Variants in RBM23 observed in about 807,000 individuals in gnomAD.
RBM23 encodes the protein RNA binding motif protein 23.
In RBM23, 53 loss-of-function variants were observed where a neutral mutation model predicts 56.2. The ratio of observed to expected loss-of-function variants is 0.94; its 90% CI spans 0.76 to 1.19. The LOEUF is 1.19. Among genes scored for constraint, RBM23 ranks in the 50% most tolerant of loss-of-function variants. The pLI, the probability that RBM23 is intolerant of heterozygous loss-of-function variation, is 0.00. For synonymous variants in RBM23, 197 were observed against 198.5 expected, an observed-to-expected ratio of 0.99 and a Z score of 0.06; for missense variants, 642 against 590.3, an observed-to-expected ratio of 1.09 and a Z score of -0.91.
intron 1 of RBM23, among the ~76,000 whole-genome samples, chr14:22,914,323 C>A (rs1371715898): frequency 0.014 from 1,218 of 87,096 alleles, no homozygotes; most frequent in Middle Eastern, 0.021. Context: ...GACTCTGTCT[C>A]AAAAAAAAAA....
chr14:22,910,219 T>G (rs1397822941), intron 2 of RBM23, among the ~76,000 whole-genome samples: 3 of 139,408 alleles, frequency 2.2e-5, no homozygotes, highest in Non-Finnish European at 4.6e-5. Context: ...CCCAGCACTT[T>G]GGGAGGCCAA....
chr14:22,908,963 G>C (rs562545738), intron 3 of RBM23, among the ~76,000 whole-genome samples: 35 of 147,594 alleles, frequency 2.4e-4, no homozygotes, highest in African/African-American at 8.7e-4. Context: ...TTTTTTTTGA[G>C]ACAGAGTCTC....
chr14:22,903,451 G>C (rs2040972591), intron 10 of RBM23: 6 of 985,464 alleles, frequency 6.1e-6, no homozygotes, highest in Non-Finnish European at 7.2e-6. Context: ...CAGCTAGCTT[G>C]TTTAGCTAGC....
At position 22,900,697 on chromosome 14, in the gene RBM23, G is replaced by T. The variant is rs896350043; in HGVS notation, c.*1033C>A. 6.6e-6 allele frequency: 1 copy of T among 152,156 alleles called. No individual in the cohort carries two copies. The highest frequency in any genetic ancestry group is 6.5e-5 in the Admixed American group (1 of 15,272). 9.4% of individuals were successfully genotyped at this position (152,156 alleles called of 1,614,324 possible). A position where few individuals can be genotyped will look rare whatever the true frequency, so the allele number is the denominator to read the frequency against. The stretch of plus-strand genomic sequence containing the variant: ...GAAACATCATAAGTTGGGCTAATGA[G>T]AAGTTGTCAGACACACAACAAAGAC... On this transcript the variant is annotated 3_prime_UTR_variant, in exon 14 of 14. Transcript: ENST00000359890.
At position 22,894,159 on chromosome 14, in the gene RBM23, G is replaced by C. The variant is rs2040209942; in HGVS notation, c.*7571C>G. 6.6e-6 allele frequency: 1 copy of C among 152,146 alleles called. No individual in the cohort carries two copies. The highest frequency in any genetic ancestry group is 1.5e-5 in the Non-Finnish European group (1 of 68,040). The allele number at this position is 152,146 out of a possible 1,614,324, so 9.4% of individuals were successfully genotyped here. ...TAATGCCTTTTGCAACCTATGTCCT[G>C]GCCCTTTATTTAGGCATCAAAGCAG... On this transcript the variant is annotated 3_prime_UTR_variant, in exon 14 of 14. Coordinates refer to ENST00000359890, the MANE Select transcript of RBM23 (RefSeq NM_001077351.2).
chr14:22,902,522 A>T, intron 10 of RBM23, 140 bp from the exon 11 acceptor site: 2 of 1,403,120 alleles, frequency 1.4e-6, no homozygotes, highest in Non-Finnish European at 1.9e-6. Context: ...AGAAAATATG[A>T]CCTAGGCCCA....
rs1436538557 is a variant in RBM23 at position 22,900,618 on chromosome 14, TA to T, written c.*1111del. On this transcript the variant is annotated 3_prime_UTR_variant, in exon 14 of 14. Coordinates refer to ENST00000359890, the MANE Select transcript of RBM23 (RefSeq NM_001077351.2). ...AGGTGTGAGTTTTCATTTTTCTTTC[TA>T]AAGGTGGTTAAATAAATAAACACAA... The T allele has an allele frequency of 6.6e-6, 1 of 152,040 alleles. No individual in the cohort carries two copies. The highest frequency in any genetic ancestry group is 1.5e-5 in the Non-Finnish European group (1 of 68,014). The allele number at this position is 152,040 out of a possible 1,614,324, so 9.4% of individuals were successfully genotyped here. A position where few individuals can be genotyped will look rare whatever the true frequency, so the allele number is the denominator to read the frequency against.
At chr14:22,904,770 T>C (rs780315644) in intron 9 of RBM23, 105 bp downstream of exon 9, 17 of 1,512,714 alleles carry the variant, frequency 1.1e-5, no homozygotes, top group East Asian at 2.3e-5. Flanking sequence ...CTATGACGTA[T>C]GCAGCAGGTT....
At position 22,901,629 on chromosome 14, in the gene RBM23, G is replaced by C. The variant is rs2040492586; in HGVS notation, c.*101C>G. The C allele has an allele frequency of 2.0e-6, 3 of 1,510,508 alleles. No individual in the cohort carries two copies. Among genetic ancestry groups the C allele is most frequent in the Non-Finnish European group, 2.8e-6 (3 of 1,088,474 alleles). The allele number at this position is 1,510,508 out of a possible 1,614,324, so 93.6% of individuals were successfully genotyped here. ...CTCAGAGACAATGTCCATGCCCTCA[G>C]GATGGCTTGGTCCACAAAATGGAGA... On this transcript the variant is annotated 3_prime_UTR_variant, in exon 14 of 14. Transcript: ENST00000359890.
In RBM23 at chr14:22,897,410, C is replaced by T. The variant is rs1281326434; in HGVS notation, c.*4320G>A. 1.3e-5 allele frequency: 2 copies of T among 152,138 alleles called. No homozygotes were observed. The highest frequency in any genetic ancestry group is 4.8e-5 in the African/African-American group (2 of 41,400). The allele number at this position is 152,138 out of a possible 1,614,324, so 9.4% of individuals were successfully genotyped here. On this transcript the variant is annotated 3_prime_UTR_variant, in exon 14 of 14. Coordinates refer to ENST00000359890, the MANE Select transcript of RBM23 (RefSeq NM_001077351.2). ...AGCTTCAGGGTCTTAAAGGACAGGA[C>T]TTTGATCAGCAGAAGGAGGAAAGGA...
In RBM23 at chr14:22,897,157, T is replaced by TTAA. The variant is rs1277185346; in HGVS notation, c.*4570_*4572dup. On this transcript the variant is annotated 3_prime_UTR_variant, in exon 14 of 14. Transcript: ENST00000359890. Reference sequence around the variant, plus strand: ...AAAGCCTGGTGCTGACTTTAACACTTTAATGAACAGCATTCATTCAATTCT... The same window carrying TTAA: ...AAAGCCTGGTGCTGACTTTAACACTTTAATAATGAACAGCATTCATTCAATTCT... 6.6e-6 allele frequency: 1 copy of TTAA among 152,192 alleles called. No homozygotes were observed. Among genetic ancestry groups the TTAA allele is most frequent in the Non-Finnish European group, 1.5e-5 (1 of 68,042 alleles). 9.4% of individuals were successfully genotyped at this position (152,192 alleles called of 1,614,324 possible). A position where few individuals can be genotyped will look rare whatever the true frequency, so the allele number is the denominator to read the frequency against.
At position 22,902,231 on chromosome 14, in the gene RBM23, C is replaced by A. The variant is rs773727139; in HGVS notation, c.1082G>T (p.Gly361Val). 2 of 1,614,224 alleles carry A rather than the reference C, an allele frequency of 1.2e-6. No homozygotes were observed. The highest frequency in any genetic ancestry group is 1.7e-6 in the Non-Finnish European group (2 of 1,180,046). Residue 361 changes from glycine to valine, a missense_variant, in exon 11 of 14, where the codon GGA becomes GTA. By Grantham distance (109) the Gly-to-Val change is moderately radical. Transcript: ENST00000359890. Reference sequence around the variant, plus strand: ...GAGCTGAAAACGTCCACCTGCTGATCCCAGATCCAGCTCCTGGTCCCCATC... The same window carrying A: ...GAGCTGAAAACGTCCACCTGCTGATACCAGATCCAGCTCCTGGTCCCCATC... ...FPDGDQELDL[G>V]SAGGRFQLMA...
Position 22,902,201 on chromosome 14 carries a change from G to T in RBM23, c.1112C>A (p.Ala371Glu). 10 of 1,613,860 alleles carry T rather than the reference G, an allele frequency of 6.2e-6. No homozygotes were observed. Among genetic ancestry groups the T allele is most frequent in the Non-Finnish European group, 8.5e-6 (10 of 1,179,770 alleles). ...AGATATTTTACCTTCTGCCAGTTTT[G>T]CCATGAGCTGAAAACGTCCACCTGC... ...GSAGGRFQLM[A>E]KLAEGAGIQL... The change falls in exon 11 of 14, where the codon GCA (alanine) becomes GAA (glutamate). Residue 371 changes from alanine to glutamate, a missense_variant. Ala to Glu is a moderately radical substitution (Grantham distance 107). Coordinates refer to ENST00000359890, the MANE Select transcript of RBM23 (RefSeq NM_001077351.2).
At chr14:22,908,075 T>C (rs1257824495) in intron 4 of RBM23, among the ~76,000 whole-genome samples, 1 of 152,176 alleles carries the variant, frequency 6.6e-6, no homozygotes, top group Non-Finnish European at 1.5e-5. Context: ...GGCAGGAGTT[T>C]AGTGCTGCAA....
chr14:22,902,160 A>C (rs755225884), intron 11 of RBM23, 27 bp downstream of exon 11: 5 of 1,610,270 alleles, frequency 3.1e-6, no homozygotes, highest in African/African-American at 2.7e-5. Context: ...TCAACCCCAT[A>C]ATCTTCACCT....
Position 22,904,337 on chromosome 14 carries a change from G to A in RBM23, c.865-11C>T, listed in dbSNP as rs371337344. On this transcript the variant is annotated splice_polypyrimidine_tract_variant and intron_variant, in intron 9 of 13. Transcript: ENST00000359890. The stretch of plus-strand genomic sequence containing the variant: ...GACAATATTATCAATCTGTAGAAGA[G>A]TGAGAAATTATCAGTAAACTTTTGA... 24 of 1,598,256 alleles carry A rather than the reference G, an allele frequency of 1.5e-5. No homozygotes were observed. The highest frequency in any genetic ancestry group is 1.0e-4 in the Admixed American group (6 of 59,898).
In RBM23 at chr14:22,902,376, C is replaced by G; in HGVS notation, c.937G>C (p.Asp313His). ...SKGYGFITFS[D>H]SECARRALEQ... ...AGGGCCCGCCGGGCACACTCAGAAT[C>G]AGAGAACTATGAGAAACCCAGGCCA... The change falls in exon 11 of 14, where the codon GAT becomes CAT. Residue 313 changes from aspartate to histidine, a missense_variant. Transcript: ENST00000359890. The G allele has an allele frequency of 6.2e-7, 1 of 1,611,122 alleles. No homozygotes were observed. Among genetic ancestry groups the G allele is most frequent in the Non-Finnish European group, 8.5e-7 (1 of 1,177,458 alleles).
chr14:22,902,082 G>A lies in RBM23; in HGVS notation c.1144C>T (p.Pro382Ser). 1 of 1,610,342 alleles carries A rather than the reference G, an allele frequency of 6.2e-7. No homozygotes were observed. Among genetic ancestry groups the A allele is most frequent in the East Asian group, 2.2e-5 (1 of 44,802 alleles). Residue 382 changes from proline to serine, a missense_variant, in exon 12 of 14, where the codon CCA becomes TCA. Transcript: ENST00000359890. Reference protein sequence around the residue: ...KLAEGAGIQLPSTAAAAAAAA... With the variant: ...KLAEGAGIQLSSTAAAAAAAA... ...GCAGCAGCAGCAGCAGCAGTGCTTG[G>A]CAGTTGGATTCCAGCGCCTAAAAGG...
chr14:22,900,446 T>A lies in RBM23; in HGVS notation c.*1284A>T, dbSNP rs2040354269. ...AGGCACAGAGAAGGAGCCTGTTAAGTCTAAGTCTGTCCTGGTGCTGCAACT... is the reference window on the plus strand; with the variant it reads ...AGGCACAGAGAAGGAGCCTGTTAAGACTAAGTCTGTCCTGGTGCTGCAACT... On this transcript the variant is annotated 3_prime_UTR_variant, in exon 14 of 14. Coordinates refer to ENST00000359890, the MANE Select transcript of RBM23 (RefSeq NM_001077351.2). The A allele has an allele frequency of 6.6e-6, 1 of 150,954 alleles. No homozygotes were observed. Among genetic ancestry groups the A allele is most frequent in the Non-Finnish European group, 1.5e-5 (1 of 67,958 alleles). The allele number at this position is 150,954 out of a possible 1,614,324, so 9.4% of individuals were successfully genotyped here. A position where few individuals can be genotyped will look rare whatever the true frequency, so the allele number is the denominator to read the frequency against.
Sources: gnomAD v4.1 joint callset for allele counts (sites outside exome capture counted in the v4.1 genomes callset) on GRCh38, gnomAD v4.1.1 for gene constraint, MANE v1.5 for transcripts, NCBI Gene and HGNC (gene_info 2026-07-23, HGNC 2026-07-21) for gene names.